The following LPA variants were observed in gnomAD, a reference collection of about 807,000 sequenced individuals.
The protein encoded by LPA is lipoprotein(a).
In LPA, 199 loss-of-function variants were observed where a neutral mutation model predicts 197.9. The ratio of observed to expected loss-of-function variants is 1.01; its 90% confidence interval spans 0.90 to 1.13. The LOEUF (loss-of-function observed/expected upper bound fraction) is 1.13. Ranked by LOEUF, LPA falls within the 50% of genes most tolerant of loss-of-function variation. The probability of loss-of-function intolerance (pLI) is 0.00; values close to 1 mark genes in which losing one functional copy is unlikely to be tolerated. For missense variants in LPA, 1,853 were observed against 1,785.8 expected (o/e 1.04, Z -0.68); for synonymous variants, 715 against 639.5 (o/e 1.12, Z -1.78).
In LPA at chr6:160,592,938, T is replaced by C. The variant is rs114568515; in HGVS notation, c.3629+1020A>G. Among the ~76,000 whole-genome samples the C allele has an allele frequency of 3.2e-3, 488 of 152,308 alleles. 3 individuals carry two copies. Among genetic ancestry groups the C allele is most frequent in the African/African-American group, 0.011 (466 of 41,576 alleles). Reference sequence around the variant, plus strand: ...TCTAGCATCTCCATTGAGCTCACTGTTCCCTTGCAGTTGTTCTTTCCCCAG... The same window carrying C: ...TCTAGCATCTCCATTGAGCTCACTGCTCCCTTGCAGTTGTTCTTTCCCCAG... On this transcript the variant is annotated intron_variant, in intron 22 of 38. Transcript: ENST00000316300.
chr6:160,595,662 T>TTCACTAA, intron 20 of LPA, 127 bp from the exon 21 acceptor site: 1 of 1,359,316 alleles, frequency 7.4e-7, no homozygotes, highest in Non-Finnish European at 1.0e-6. Context: ...AAAGGTCCCA[T>TTCACTAA]AATATGCACA....
chr6:160,531,861 G>A lies in LPA; in HGVS notation c.5991C>T (p.Phe1997=), dbSNP rs531254436. 13 of 1,614,040 alleles carry A rather than the reference G, an allele frequency of 8.1e-6. No homozygotes were observed. Among genetic ancestry groups the A allele is most frequent in the South Asian group, 2.2e-5 (2 of 91,078 alleles). ...CTTGTAAAATGTATTTGTCCTTCTC[G>A]AAGCAAACCAGAGGCCCTCCACTGT... is the stretch of plus-strand genomic sequence containing the variant. ...QGDSGGPLVC[F]EKDKYILQGV... The change falls in exon 39 of 39, where the codon TTC becomes TTT. Residue 1997 remains phenylalanine, a synonymous_variant. Transcript: ENST00000316300.
At chr6:160,548,324 A>G (rs1225605729) in intron 31 of LPA, among the ~76,000 whole-genome samples, 154 bp downstream of exon 31, 2 of 152,234 alleles carry the variant, frequency 1.3e-5, no homozygotes, top group East Asian at 3.9e-4. Flanking sequence ...CGGCACTGAG[A>G]CTTCCTTGGT....
intron 28 of LPA, among the ~76,000 whole-genome samples, chr6:160,562,029 C>T (rs1435084372): frequency 6.6e-6 from 1 of 152,242 alleles, no homozygotes; most frequent in East Asian, 1.9e-4. Context: ...AATAATTTGA[C>T]TCCCTCTCTT....
At chr6:160,603,328 T>C (rs563039253) in intron 18 of LPA, among the ~76,000 whole-genome samples, 5 of 151,972 alleles carry the variant, frequency 3.3e-5, no homozygotes, top group Admixed American at 6.6e-5. Context: ...TGTGTATGTG[T>C]AGCTGGTTCT....
At chr6:160,553,954 T>TGTGTGTGTGTGTGTGTACGC (rs771903485) in intron 30 of LPA, among the ~76,000 whole-genome samples, 9 of 130,746 alleles carry the variant, frequency 6.9e-5, no homozygotes, top group African/African-American at 2.7e-4. Flanking sequence ...TGTGTGTGTG[T>TGTGTGTGTGTGTGTGTACGC]GCGCGCGCGC....
At chr6:160,578,457 T>C (rs947235834) in intron 27 of LPA, 66 bp downstream of exon 27, 74 of 1,588,522 alleles carry the variant, frequency 4.7e-5, no homozygotes, top group South Asian at 6.6e-5. Flanking sequence ...TGAAGGCTTC[T>C]GCATCAGTAA....
intron 30 of LPA, among the ~76,000 whole-genome samples, chr6:160,554,642 G>T (rs186705953): frequency 8.5e-5 from 13 of 152,164 alleles, no homozygotes; most frequent in African/African-American, 2.7e-4. Flanking sequence ...GAGCTCTGGC[G>T]TCACCATTGA....
At chr6:160,606,419 T>A (rs1487204508) in intron 17 of LPA, 58 bp downstream of exon 17, 26 of 1,594,930 alleles carry the variant, frequency 1.6e-5, no homozygotes, top group Non-Finnish European at 2.0e-5. Flanking sequence ...AGTGGGAATT[T>A]CCATGGCTTT....
chr6:160,649,611 T>C (rs1200657063), intron 2 of LPA, among the ~76,000 whole-genome samples: 2 of 152,160 alleles, frequency 1.3e-5, no homozygotes, highest in Non-Finnish European at 2.9e-5. Flanking sequence ...GTTGAGTTGA[T>C]CTCATTGTTC....
intron 37 of LPA, among the ~76,000 whole-genome samples, chr6:160,534,182 G>A (rs1365104050): frequency 6.6e-6 from 1 of 152,158 alleles, no homozygotes; most frequent in Non-Finnish European, 1.5e-5. Context: ...CCTGACTACC[G>A]AGCATTGGGC....
intron 2 of LPA, among the ~76,000 whole-genome samples, chr6:160,647,576 C>G (rs189630427): frequency 9.3e-4 from 141 of 152,266 alleles, no homozygotes; most frequent in African/African-American, 3.2e-3. Context: ...TGGCTTCCCT[C>G]TTTTGAATAC....
chr6:160,591,246 C>T, intron 22 of LPA, 145 bp from the exon 23 acceptor site: 1 of 1,042,268 alleles, frequency 9.6e-7, no homozygotes, highest in Non-Finnish European at 1.4e-6. Context: ...CACAAATCGT[C>T]CTCAACTTCT....
At chr6:160,547,374 C>T (rs1778089102) in intron 32 of LPA, among the ~76,000 whole-genome samples, 2 of 152,148 alleles carry the variant, frequency 1.3e-5, no homozygotes, top group South Asian at 4.1e-4. Flanking sequence ...GCTGGCAGAG[C>T]TCAGGCAGCT....
intron 34 of LPA, among the ~76,000 whole-genome samples, chr6:160,541,842 G>T (rs1465640669): frequency 1.3e-5 from 2 of 152,226 alleles, no homozygotes; most frequent in Admixed American, 1.3e-4. Flanking sequence ...TCTGAAATAT[G>T]TGGAAGGTGA....
At chr6:160,651,394 G>T (rs1780003445) in intron 1 of LPA, among the ~76,000 whole-genome samples, 2 of 152,082 alleles carry the variant, frequency 1.3e-5, no homozygotes, top group Non-Finnish European at 2.9e-5. Context: ...CACACCCCAG[G>T]CCCCACTCTA....
At chr6:160,541,290 C>T in intron 34 of LPA, 109 bp from the exon 35 acceptor site, 2 of 842,876 alleles carry the variant, frequency 2.4e-6, no homozygotes, top group South Asian at 1.4e-5. Context: ...TGTTCATATT[C>T]CCAAAGCAAA....
At chr6:160,538,263 T>C (rs1247889294) in intron 36 of LPA, among the ~76,000 whole-genome samples, 4 of 152,184 alleles carry the variant, frequency 2.6e-5, no homozygotes, top group African/African-American at 7.2e-5. Context: ...CTGTGCACGA[T>C]TGGAATCTCA....
In LPA at chr6:160,582,091, A is replaced by G. The variant is rs559490657; in HGVS notation, c.4289+2955T>C. Among the ~76,000 whole-genome samples the G allele has an allele frequency of 1.1e-4, 17 of 152,248 alleles. No homozygotes were observed. In the South Asian group the frequency reaches 3.5e-3, roughly 32 times the overall value. On this transcript the variant is annotated intron_variant, in intron 26 of 38. Coordinates refer to ENST00000316300, the MANE Select transcript of LPA (RefSeq NM_005577.4). ...TGTTCTTTGTTTTTAGGAGGACAGA[A>G]TATGTACTTACGTAACATTCATTTT...
Sources: allele counts gnomAD v4.1 joint callset (sites outside exome capture counted in the v4.1 genomes callset), GRCh38; gene constraint gnomAD v4.1.1; transcripts MANE v1.5; gene names NCBI Gene and HGNC (gene_info 2026-07-23, HGNC 2026-07-21).